FNDC3B: variants seen among roughly 807,000 people sequenced by gnomAD.
FNDC3B encodes fibronectin type III domain containing 3B, also known as fibronectin type III domain-containing protein 3B.
Under a neutral mutation model 151.5 loss-of-function variants are expected in FNDC3B, and 12 were observed. The observed-to-expected ratio is 0.08, with a 90% CI of 0.05 to 0.13. FNDC3B has a LOEUF of 0.13. Among genes scored for constraint, FNDC3B ranks in the 10% least tolerant of loss-of-function variants. The pLI is 1.00. For synonymous variants in FNDC3B, 528 were observed against 549.0 expected (o/e 0.96, Z 0.54); for missense variants, 1,214 against 1,505.3 (o/e 0.81, Z 3.20).
chr3:172,099,100 A>G (rs1368573368), intron 1 of FNDC3B, among the ~76,000 whole-genome samples: 1 of 152,250 alleles, frequency 6.6e-6, no homozygotes, highest in African/African-American at 2.4e-5. Context: ...GAAAATTAAT[A>G]TGCTTGTTAA....
chr3:172,231,886 T>TTG (rs1270112185), intron 4 of FNDC3B, among the ~76,000 whole-genome samples: 11 of 148,062 alleles, frequency 7.4e-5, no homozygotes, highest in Admixed American at 7.4e-4. Context: ...ACCGTTTTTT[T>TTG]TTTTTTTTTT....
chr3:172,078,896 CAT>C (rs1296284548), intron 1 of FNDC3B, among the ~76,000 whole-genome samples: 1 of 152,204 alleles, frequency 6.6e-6, no homozygotes, highest in African/African-American at 2.4e-5. Flanking sequence ...ATGACCATCA[CAT>C]GATTGCCACG....
intron 1 of FNDC3B, among the ~76,000 whole-genome samples, chr3:172,057,164 C>A (rs934485209): frequency 9.2e-5 from 14 of 152,162 alleles, no homozygotes; most frequent in Admixed American, 6.5e-5. Flanking sequence ...TTCCTTCTCT[C>A]TTTTTGTGGA....
intron 1 of FNDC3B, among the ~76,000 whole-genome samples, chr3:172,095,825 T>C (rs1719064827): frequency 6.6e-6 from 1 of 152,180 alleles, no homozygotes; most frequent in South Asian, 2.1e-4. Context: ...ACAAAAAGCC[T>C]AGTTTTGCAC....
chr3:172,042,458 C>T (rs1471129999), intron 1 of FNDC3B, among the ~76,000 whole-genome samples: 4 of 152,098 alleles, frequency 2.6e-5, no homozygotes, highest in Non-Finnish European at 5.9e-5. Context: ...GAAAATGAGG[C>T]CCGGGAAGGG....
chr3:172,302,563 T>A (rs1031472755), intron 9 of FNDC3B: 2 of 152,246 alleles, frequency 1.3e-5, no homozygotes, highest in African/African-American at 4.8e-5. Context: ...ACACGTCTGT[T>A]CAGTCACTAT....
At chr3:172,147,563 C>G (rs1445424323) in intron 3 of FNDC3B, among the ~76,000 whole-genome samples, 1 of 152,084 alleles carries the variant, frequency 6.6e-6, no homozygotes, top group Non-Finnish European at 1.5e-5. Flanking sequence ...ATGTCAGACC[C>G]TAAAGATTAT....
At chr3:172,094,480 G>C (rs1719000386) in intron 1 of FNDC3B, among the ~76,000 whole-genome samples, 1 of 152,136 alleles carries the variant, frequency 6.6e-6, no homozygotes. Context: ...GCATGTATCA[G>C]TATTTTATTC....
At chr3:172,281,347 G>A (rs1729714332) in intron 6 of FNDC3B, among the ~76,000 whole-genome samples, 1 of 152,014 alleles carries the variant, frequency 6.6e-6, no homozygotes, top group Non-Finnish European at 1.5e-5. Context: ...CCGGGTTCAA[G>A]CGATCTCCTG....
intron 3 of FNDC3B, among the ~76,000 whole-genome samples, chr3:172,197,727 A>G (rs1219356253): frequency 6.6e-6 from 1 of 152,216 alleles, no homozygotes; most frequent in Non-Finnish European, 1.5e-5. Context: ...ATTAGTTGAT[A>G]TATCCTCATG....
At chr3:172,133,726 C>T (rs1219589357) in intron 3 of FNDC3B, 180 bp downstream of exon 3, 2 of 642,684 alleles carry the variant, frequency 3.1e-6, no homozygotes, top group Non-Finnish European at 5.6e-6. Flanking sequence ...ATCCAAAGGA[C>T]ATTTTTAGTG....
At chr3:172,070,001 A>C (rs921859290) in intron 1 of FNDC3B, among the ~76,000 whole-genome samples, 1 of 152,148 alleles carries the variant, frequency 6.6e-6, no homozygotes, top group African/African-American at 2.4e-5. Flanking sequence ...TTCCTTACTT[A>C]GGGCACTGTG....
chr3:172,397,040 T>C (rs1388654342), intron 25 of FNDC3B, 124 bp from the exon 26 acceptor site: 1 of 702,198 alleles, frequency 1.4e-6, no homozygotes, highest in Non-Finnish European at 2.3e-6. Flanking sequence ...TTTTATATCA[T>C]CTTTGTTATA....
At chr3:172,156,697 T>G (rs1052622728) in intron 3 of FNDC3B, among the ~76,000 whole-genome samples, 1 of 148,746 alleles carries the variant, frequency 6.7e-6, no homozygotes, top group African/African-American at 2.5e-5. Context: ...TTTTGAAGTT[T>G]TTTTTTTTTT....
At chr3:172,249,615 G>C (rs543881808) in intron 5 of FNDC3B, among the ~76,000 whole-genome samples, 7 of 152,150 alleles carry the variant, frequency 4.6e-5, no homozygotes, top group Non-Finnish European at 7.4e-5. Flanking sequence ...TGTCTGAAAA[G>C]ATTATTACTG....
At chr3:172,105,068 C>T (rs1719575129) in intron 1 of FNDC3B, among the ~76,000 whole-genome samples, 1 of 152,298 alleles carries the variant, frequency 6.6e-6, no homozygotes, top group South Asian at 2.1e-4. Context: ...TGTGCCCCAA[C>T]TGACTACCTT....
chr3:172,315,268 T>C (rs1378242668), intron 11 of FNDC3B, among the ~76,000 whole-genome samples: 1 of 152,094 alleles, frequency 6.6e-6, no homozygotes, highest in Non-Finnish European at 1.5e-5. Context: ...TCCCAGCTAC[T>C]TGGGAGGCTG....
intron 9 of FNDC3B, among the ~76,000 whole-genome samples, chr3:172,300,484 T>A (rs1242000017): frequency 6.6e-6 from 1 of 152,052 alleles, no homozygotes; most frequent in Non-Finnish European, 1.5e-5. Flanking sequence ...TAAACCCTTA[T>A]TACAAAGGGT....
At chr3:172,088,790 A>C (rs994531475) in intron 1 of FNDC3B, among the ~76,000 whole-genome samples, 1 of 152,218 alleles carries the variant, frequency 6.6e-6, no homozygotes, top group African/African-American at 2.4e-5. Context: ...TTTTAAATAA[A>C]TTCTACAAAA....
Sources: allele counts gnomAD v4.1 joint callset (sites outside exome capture counted in the v4.1 genomes callset), GRCh38; gene constraint gnomAD v4.1.1; transcripts MANE v1.5; gene names NCBI Gene and HGNC (gene_info 2026-07-23, HGNC 2026-07-21).